The following TENM3 variants were observed in gnomAD, a reference collection of about 807,000 sequenced individuals.
TENM3 encodes the protein teneurin transmembrane protein 3, also known as teneurin-3.
TENM3 carries 63 observed loss-of-function variants against 255.1 expected under a neutral mutation model. The observed-to-expected ratio is 0.25, with a 90% CI of 0.20 to 0.30. The LOEUF is 0.30. TENM3 is among the 10% of genes least tolerant of loss of function. TENM3 has a pLI of 1.00. For missense variants in TENM3, 2,929 were observed against 3,461.1 expected (o/e 0.85, Z 3.86); for synonymous variants, 1,306 against 1,322.3 (o/e 0.99, Z 0.27).
the TENM3 span, among the ~76,000 whole-genome samples, chr4:181,801,187 G>A: frequency 6.6e-6 from 1 of 151,970 alleles, no homozygotes; most frequent in Non-Finnish European, 1.5e-5. Context: ...GTCTGGGACT[G>A]AGGATTCTTG....
intron 2 of TENM3, among the ~76,000 whole-genome samples, chr4:182,329,680 G>T (rs1465472805): frequency 6.6e-6 from 1 of 151,958 alleles, no homozygotes; most frequent in Non-Finnish European, 1.5e-5. Flanking sequence ...ATCCCAGAAT[G>T]ATAACAACAA....
intron 1 of TENM3, among the ~76,000 whole-genome samples, chr4:182,159,403 C>G (rs1421244747): frequency 5.3e-5 from 8 of 151,626 alleles, no homozygotes; most frequent in African/African-American, 1.9e-4. Flanking sequence ...ACAGGGAGGT[C>G]CTAGTGGAGC....
At chr4:182,239,876 C>G (rs1420868765), upstream of TENM3, among the ~76,000 whole-genome samples, 1 of 152,128 alleles carries the variant, frequency 6.6e-6, no homozygotes, top group Non-Finnish European at 1.5e-5. Context: ...TTGCTATTTT[C>G]AAAGTGTAAA....
chr4:182,560,162 G>A (rs11937236), intron 3 of TENM3, among the ~76,000 whole-genome samples: 75,695 of 150,864 alleles, frequency 0.5, 20,604 homozygotes, highest in Non-Finnish European at 0.6. Context: ...AATCCTGGCA[G>A]CATTGCAGTA....
chr4:182,657,900 C>G, intron 6 of TENM3, among the ~76,000 whole-genome samples: 1 of 152,244 alleles, frequency 6.6e-6, no homozygotes, highest in East Asian at 1.9e-4. Context: ...AAGCAATCCT[C>G]CTGCCTCAGC....
chr4:181,544,458 G>C, the TENM3 span, among the ~76,000 whole-genome samples: 2 of 121,910 alleles, frequency 1.6e-5, no homozygotes, highest in Admixed American at 9.7e-5. Flanking sequence ...ATGGAACCAA[G>C]TCTCAATTAC....
chr4:182,245,692 G>A (rs1008814734), intron 1 of TENM3, among the ~76,000 whole-genome samples: 3 of 152,082 alleles, frequency 2.0e-5, no homozygotes, highest in Non-Finnish European at 4.4e-5. Context: ...CATGTGACAC[G>A]GCCATAGGAC....
chr4:182,361,798 T>C (rs1766009166), intron 3 of TENM3, among the ~76,000 whole-genome samples: 1 of 152,144 alleles, frequency 6.6e-6, no homozygotes, highest in African/African-American at 2.4e-5. Context: ...GTGCTCTGCT[T>C]TTTAGAGTTT....
the TENM3 span, among the ~76,000 whole-genome samples, chr4:181,486,219 C>T: frequency 1.3e-5 from 2 of 152,182 alleles, no homozygotes; most frequent in Non-Finnish European, 2.9e-5. Context: ...TTGCAAACCA[C>T]ACACTCTTCT....
chr4:181,913,861 A>T, the TENM3 span, among the ~76,000 whole-genome samples: 1 of 152,196 alleles, frequency 6.6e-6, no homozygotes, highest in African/African-American at 2.4e-5. Flanking sequence ...CTAAACTTTG[A>T]AGAGGAATTT....
At chr4:182,007,606 C>T in the TENM3 span, among the ~76,000 whole-genome samples, 1 of 152,044 alleles carries the variant, frequency 6.6e-6, no homozygotes, top group African/African-American at 2.4e-5. Context: ...TTATGTTGAG[C>T]CTATGTGTGT....
At chr4:182,242,367 A>G (rs6839046), upstream of TENM3, among the ~76,000 whole-genome samples, 62,915 of 151,716 alleles carry the variant, frequency 0.41, 15,695 homozygotes, top group African/African-American at 0.7. Context: ...CTTCATCCAC[A>G]TCCCTACAAA....
chr4:181,628,954 T>C, the TENM3 span, among the ~76,000 whole-genome samples: 1 of 152,224 alleles, frequency 6.6e-6, no homozygotes, highest in Non-Finnish European at 1.5e-5. Flanking sequence ...ATATTGATTC[T>C]TCCTACCCAT....
At chr4:182,634,665 C>G (rs1412601431) in intron 5 of TENM3, among the ~76,000 whole-genome samples, 1 of 144,108 alleles carries the variant, frequency 6.9e-6, no homozygotes, top group African/African-American at 2.6e-5. Context: ...TTGCACTTCT[C>G]TGGGCCCTGA....
the TENM3 span, among the ~76,000 whole-genome samples, chr4:181,672,000 A>G: frequency 3.3e-5 from 5 of 152,236 alleles, no homozygotes. Flanking sequence ...CTTGAAATTT[A>G]GACTGCAAAA....
chr4:181,779,081 G>T, the TENM3 span, among the ~76,000 whole-genome samples: 1 of 152,028 alleles, frequency 6.6e-6, no homozygotes, highest in Admixed American at 6.6e-5. Context: ...GAACAGGTCT[G>T]TGGAGGCCTT....
chr4:182,794,883 T>C (rs1003278093), intron 26 of TENM3, among the ~76,000 whole-genome samples: 1 of 152,174 alleles, frequency 6.6e-6, no homozygotes, highest in Non-Finnish European at 1.5e-5. Context: ...ATTCCTGATA[T>C]ACAGCACCAT....
chr4:182,609,790 T>C (rs1748812113), intron 4 of TENM3, among the ~76,000 whole-genome samples: 1 of 151,738 alleles, frequency 6.6e-6, no homozygotes, highest in African/African-American at 2.4e-5. Context: ...TTCCATAAAA[T>C]GGGATTGTAA....
At chr4:181,813,633 G>A in the TENM3 span, among the ~76,000 whole-genome samples, 3 of 152,166 alleles carry the variant, frequency 2.0e-5, no homozygotes, top group Non-Finnish European at 4.4e-5. Flanking sequence ...GTCCAGAAAT[G>A]AGATGGATTT....
Sources: allele counts gnomAD v4.1 joint callset (sites outside exome capture counted in the v4.1 genomes callset), GRCh38; gene constraint gnomAD v4.1.1; transcripts MANE v1.5; gene names NCBI Gene and HGNC (gene_info 2026-07-23, HGNC 2026-07-21).